Variants in SYT1 observed in about 807,000 individuals in gnomAD.
SYT1 encodes the protein synaptotagmin 1, also known as synaptotagmin-1.
Under a neutral mutation model 44.8 loss-of-function variants are expected in SYT1, and 8 were observed. The observed-to-expected ratio is 0.18, with a 90% CI of 0.10 to 0.32. SYT1 has a LOEUF of 0.32. Ranked by LOEUF, SYT1 falls within the 10% of genes least tolerant of loss-of-function variation. The pLI is 1.00. For synonymous variants in SYT1, 154 were observed against 188.8 expected (o/e 0.82, Z 1.51); for missense variants, 286 against 509.3 (o/e 0.56, Z 4.22).
intron 5 of SYT1, among the ~76,000 whole-genome samples, chr12:79,290,065 C>A (rs1459151062): frequency 6.6e-6 from 1 of 152,096 alleles, no homozygotes; most frequent in Non-Finnish European, 1.5e-5. Flanking sequence ...ATAGATTAAA[C>A]TTTCCAAATT....
At chr12:79,054,090 T>A (rs1863511027) in intron 3 of SYT1, among the ~76,000 whole-genome samples, 1 of 152,048 alleles carries the variant, frequency 6.6e-6, no homozygotes, top group South Asian at 2.1e-4. Flanking sequence ...TTATAGTGGT[T>A]TTGCAGATGA....
At chr12:78,902,087 G>A (rs1202625990) in intron 1 of SYT1, among the ~76,000 whole-genome samples, 1 of 151,988 alleles carries the variant, frequency 6.6e-6, no homozygotes, top group Non-Finnish European at 1.5e-5. Context: ...ACCTAATGTA[G>A]ATGATTGGTT....
intron 3 of SYT1, among the ~76,000 whole-genome samples, chr12:79,192,042 TG>T (rs1052611297): frequency 1.3e-5 from 2 of 152,196 alleles, no homozygotes; most frequent in African/African-American, 4.8e-5. Flanking sequence ...TAACTTTAGA[TG>T]TGTATCATTA....
intron 4 of SYT1, among the ~76,000 whole-genome samples, chr12:79,283,159 C>T (rs189904988): frequency 1.3e-5 from 2 of 152,102 alleles, no homozygotes; most frequent in East Asian, 3.9e-4. Flanking sequence ...AAAATGATAA[C>T]GTTAAGCATT....
chr12:79,264,256 T>G (rs1667240870), intron 4 of SYT1, among the ~76,000 whole-genome samples: 1 of 151,698 alleles, frequency 6.6e-6, no homozygotes, highest in Non-Finnish European at 1.5e-5. Flanking sequence ...CTCTGCTCAC[T>G]GCAAGCTCCA....
intron 8 of SYT1, among the ~76,000 whole-genome samples, chr12:79,332,671 G>A (rs1030258264): frequency 6.6e-6 from 1 of 152,086 alleles, no homozygotes; most frequent in African/African-American, 2.4e-5. Context: ...TATTGTGGGA[G>A]GTATTCCCTT....
At chr12:79,133,965 T>C (rs542055539) in intron 3 of SYT1, among the ~76,000 whole-genome samples, 1 of 152,336 alleles carries the variant, frequency 6.6e-6, no homozygotes, top group South Asian at 2.1e-4. Flanking sequence ...GCAGGCTTCA[T>C]ATATCAGATT....
At chr12:78,979,909 T>A (rs1206145307) in intron 2 of SYT1, among the ~76,000 whole-genome samples, 1 of 152,080 alleles carries the variant, frequency 6.6e-6, no homozygotes, top group Non-Finnish European at 1.5e-5. Context: ...ATATTTTATA[T>A]ATCTAATAAA....
intron 2 of SYT1, among the ~76,000 whole-genome samples, chr12:79,009,513 G>C (rs563512088): frequency 6.6e-6 from 1 of 152,182 alleles, no homozygotes; most frequent in Non-Finnish European, 1.5e-5. Flanking sequence ...GTTCTTACTT[G>C]CTCCCTGGTA....
chr12:79,348,224 G>A (rs1009258752), intron 8 of SYT1, among the ~76,000 whole-genome samples: 4 of 152,186 alleles, frequency 2.6e-5, no homozygotes, highest in East Asian at 1.9e-4. Flanking sequence ...TTTTATGTGA[G>A]AAGGAAACTA....
At chr12:79,089,684 C>T (rs1291033804) in intron 3 of SYT1, among the ~76,000 whole-genome samples, 1 of 152,024 alleles carries the variant, frequency 6.6e-6, no homozygotes, top group African/African-American at 2.4e-5. Flanking sequence ...ACTCACCTCA[C>T]ATATCCCAAA....
At chr12:79,299,695 T>G (rs1880042567) in intron 8 of SYT1, 144 bp downstream of exon 8, 1 of 961,556 alleles carries the variant, frequency 1.0e-6, no homozygotes, top group Admixed American at 3.1e-5. Context: ...TCAAGGGCAC[T>G]GCACCACCTC....
intron 3 of SYT1, among the ~76,000 whole-genome samples, chr12:79,128,059 A>G (rs1414290881): frequency 6.6e-6 from 1 of 152,148 alleles, no homozygotes; most frequent in Non-Finnish European, 1.5e-5. Flanking sequence ...AAAAACATAT[A>G]AGGGTGCATA....
At chr12:78,924,376 C>G (rs1877183104) in intron 1 of SYT1, among the ~76,000 whole-genome samples, 1 of 151,718 alleles carries the variant, frequency 6.6e-6, no homozygotes, top group Non-Finnish European at 1.5e-5. Flanking sequence ...ACTAAATATC[C>G]TGTTGCTGCC....
intron 9 of SYT1, among the ~76,000 whole-genome samples, chr12:79,427,480 A>G (rs1869518711): frequency 6.6e-6 from 1 of 152,240 alleles, no homozygotes; most frequent in Non-Finnish European, 1.5e-5. Context: ...AGCTAGTGCT[A>G]AAGATATGGT....
At chr12:79,112,593 T>A (rs1879075074) in intron 3 of SYT1, among the ~76,000 whole-genome samples, 1 of 152,100 alleles carries the variant, frequency 6.6e-6, no homozygotes, top group Admixed American at 6.6e-5. Flanking sequence ...AGTCAAGTTT[T>A]CAAAGATAAA....
At chr12:79,388,219 A>G (rs1193130146) in intron 9 of SYT1, among the ~76,000 whole-genome samples, 2 of 152,160 alleles carry the variant, frequency 1.3e-5, no homozygotes, top group East Asian at 3.9e-4. Context: ...TGGGCCAGAA[A>G]ATGTCTACAG....
At chr12:78,903,573 C>A (rs1875787332) in intron 1 of SYT1, among the ~76,000 whole-genome samples, 1 of 152,070 alleles carries the variant, frequency 6.6e-6, no homozygotes, top group Admixed American at 6.5e-5. Flanking sequence ...GCGTGACCCA[C>A]CGCACCTGGA....
chr12:78,872,315 T>C (rs1251279080), intron 1 of SYT1, among the ~76,000 whole-genome samples: 1 of 151,860 alleles, frequency 6.6e-6, no homozygotes, highest in Non-Finnish European at 1.5e-5. Flanking sequence ...ACAGAATGAA[T>C]ATTAATGACA....
Sources: gnomAD v4.1 joint callset for allele counts (sites outside exome capture counted in the v4.1 genomes callset) on GRCh38, gnomAD v4.1.1 for gene constraint, MANE v1.5 for transcripts, NCBI Gene and HGNC (gene_info 2026-07-23, HGNC 2026-07-21) for gene names.